The following ATF7IP2 variants were observed in gnomAD, a reference collection of about 807,000 sequenced individuals.
The protein encoded by ATF7IP2 is activating transcription factor 7 interacting protein 2, also known as activating transcription factor 7-interacting protein 2.
Under a neutral mutation model 64.2 loss-of-function variants are expected in ATF7IP2, and 42 were observed. The ratio of observed to expected loss-of-function variants is 0.65; its 90% CI spans 0.51 to 0.85. The LOEUF is 0.85. Ranked by LOEUF, ATF7IP2 falls within the 40% of genes least tolerant of loss-of-function variation. The pLI is 0.00. For missense variants in ATF7IP2, 933 were observed against 784.2 expected (o/e 1.19, Z -2.27); for synonymous variants, 308 against 272.8 (o/e 1.13, Z -1.27).
rs147209757 is a variant in ATF7IP2 at position 10,434,491 on chromosome 16, C to A, written c.960+842C>A. 3.9e-5 allele frequency among the ~76,000 whole-genome samples: 6 copies of A among 152,280 alleles called. No homozygotes were observed. In the East Asian group the frequency reaches 1.2e-3, roughly 29 times the overall value. On this transcript the variant is annotated intron_variant, in intron 6 of 13. Coordinates refer to ENST00000562102, the MANE Select transcript of ATF7IP2 (RefSeq NM_001393719.1). ...TTTTTAAAACAGACCATTACAATTACATAGTTACATATACTATGAATGTGT... is the reference window on the plus strand; with the variant it reads ...TTTTTAAAACAGACCATTACAATTAAATAGTTACATATACTATGAATGTGT...
intron 9 of ATF7IP2, among the ~76,000 whole-genome samples, chr16:10,458,914 G>C (rs777331293): frequency 2.6e-5 from 4 of 152,188 alleles, no homozygotes; most frequent in Admixed American, 6.5e-5. Flanking sequence ...GGCTGGGCGC[G>C]GTGGCTCACG....
rs746102771 is a variant in ATF7IP2 at position 10,430,630 on chromosome 16, C to A, written c.10C>A (p.Pro4Thr). 64 of 1,608,426 alleles carry A rather than the reference C, an allele frequency of 4.0e-5. No individual in the cohort carries two copies. Among genetic ancestry groups the A allele is most frequent in the Non-Finnish European group, 5.3e-5 (62 of 1,176,374 alleles). MAS[P>T]DRSKRKILKA... ...TTCCAGGATATGAAAGATGGCAAGT[C>A]CAGATAGAAGTAAACGGAAGATATT... Residue 4 changes from proline (P) to threonine (T), a missense_variant, in exon 5 of 14, where the codon CCA becomes ACA. Pro to Thr is a conservative substitution (Grantham distance 38). Coordinates refer to ENST00000562102, the MANE Select transcript of ATF7IP2 (RefSeq NM_001393719.1).
intron 3 of ATF7IP2, among the ~76,000 whole-genome samples, chr16:10,422,813 C>T (rs2141846395): frequency 6.6e-6 from 1 of 152,290 alleles, no homozygotes; most frequent in African/African-American, 2.4e-5. Context: ...TCCCCATTTC[C>T]ACATATGGCA....
chr16:10,469,481 A>G (rs2142058620), intron 9 of ATF7IP2, among the ~76,000 whole-genome samples: 1 of 152,294 alleles, frequency 6.6e-6, no homozygotes, highest in South Asian at 2.1e-4. Context: ...ACATGAAAGC[A>G]TACAAAACCA....
rs538840198 is a variant in ATF7IP2, at chr16:10,464,858, T to G, written c.1353-7252T>G. Among the ~76,000 whole-genome samples the G allele has an allele frequency of 1.9e-3, 288 of 152,304 alleles. 1 individual carries two copies. The highest frequency in any genetic ancestry group is 6.1e-3 in the African/African-American group (254 of 41,568). On this transcript the variant is annotated intron_variant, in intron 9 of 13. Coordinates refer to ENST00000562102, the MANE Select transcript of ATF7IP2 (RefSeq NM_001393719.1). ...ATGTTGTTGTTTGGAAGACGGAGTT[T>G]CGCTCTTGTTATCCAGGCTGGAGTG...
At chr16:10,470,765 A>G (rs1225879727) in intron 9 of ATF7IP2, among the ~76,000 whole-genome samples, 1 of 151,734 alleles carries the variant, frequency 6.6e-6, no homozygotes, top group East Asian at 1.9e-4. Context: ...CCTGGGAGAC[A>G]GAGCACGAGT....
At chr16:10,440,330 G>T (rs750434155) in intron 7 of ATF7IP2, 34 bp from the exon 8 acceptor site, 9 of 1,135,888 alleles carry the variant, frequency 7.9e-6, no homozygotes, top group Non-Finnish European at 1.1e-5. Context: ...TAGTACTCTG[G>T]CTTAGTATTT....
chr16:10,398,303 C>CAA (rs370158117), intron 1 of ATF7IP2, among the ~76,000 whole-genome samples: 21 of 134,254 alleles, frequency 1.6e-4, no homozygotes, highest in South Asian at 4.8e-4. Context: ...GACTCCATCT[C>CAA]AAAAAAAAAA....
In ATF7IP2 at chr16:10,482,480, T is replaced by G; in HGVS notation, c.*231T>G. The G allele has an allele frequency of 2.7e-6, 1 of 375,178 alleles. No individual in the cohort carries two copies. The highest frequency in any genetic ancestry group is 4.8e-6 in the Non-Finnish European group (1 of 209,246). 23.2% of individuals were successfully genotyped at this position (375,178 alleles called of 1,614,324 possible). A position where few individuals can be genotyped will look rare whatever the true frequency, so the allele number is the denominator to read the frequency against. ...AAACATACGCTATCATTGGCCCATGTTGCTGAGGTGCATTGTGAACAATAC... is the reference window on the plus strand; with the variant it reads ...AAACATACGCTATCATTGGCCCATGGTGCTGAGGTGCATTGTGAACAATAC... On this transcript the variant is annotated 3_prime_UTR_variant, in exon 14 of 14. Transcript: ENST00000562102.
At position 10,404,533 on chromosome 16, in the gene ATF7IP2, C is replaced by T. The variant is rs148390106; in HGVS notation, c.-241-10041C>T. On this transcript the variant is annotated intron_variant, in intron 1 of 13. Coordinates refer to ENST00000562102, the MANE Select transcript of ATF7IP2 (RefSeq NM_001393719.1). ...AAGTGCTGGGATTATAGGCGTGAGC[C>T]ACTCTGCCCAGCCTTTTTTTTATTT... Among the ~76,000 whole-genome samples the T allele has an allele frequency of 3.8e-3, 586 of 152,222 alleles. 14 individuals are homozygous for T. Among genetic ancestry groups the T allele is most frequent in the East Asian group, 8.1e-3 (42 of 5,184 alleles).
At chr16:10,475,371 A>G (rs1241936624) in intron 12 of ATF7IP2, among the ~76,000 whole-genome samples, 1 of 152,180 alleles carries the variant, frequency 6.6e-6, no homozygotes, top group African/African-American at 2.4e-5. Context: ...TAAGAAACCA[A>G]TAGTGGAGAT....
chr16:10,479,390 C>CT (rs2050132267), intron 12 of ATF7IP2, among the ~76,000 whole-genome samples: 1 of 152,084 alleles, frequency 6.6e-6, no homozygotes, highest in African/African-American at 2.4e-5. Flanking sequence ...ACTCAGTAAA[C>CT]TATCGCAAGA....
chr16:10,478,978 A>C (rs1203880422), intron 12 of ATF7IP2, among the ~76,000 whole-genome samples: 5 of 151,582 alleles, frequency 3.3e-5, no homozygotes, highest in African/African-American at 9.7e-5. Context: ...TTAGAATGGC[A>C]ATCATTAAAA....
In ATF7IP2 at chr16:10,482,450, T is replaced by C. The variant is rs1225563745; in HGVS notation, c.*201T>C. 1 of 466,718 alleles carries C rather than the reference T, an allele frequency of 2.1e-6. No homozygotes were observed. Among genetic ancestry groups the C allele is most frequent in the Non-Finnish European group, 3.8e-6 (1 of 266,490 alleles). 28.9% of individuals were successfully genotyped at this position (466,718 alleles called of 1,614,324 possible). On this transcript the variant is annotated 3_prime_UTR_variant, in exon 14 of 14. Coordinates refer to ENST00000562102, the MANE Select transcript of ATF7IP2 (RefSeq NM_001393719.1). ...TAAATATGTCCTTCCAATGGATAAG[T>C]TCTAAAACATACGCTATCATTGGCC...
At chr16:10,437,869 ATAAATT>A (rs2048475112) in intron 6 of ATF7IP2, among the ~76,000 whole-genome samples, 1 of 152,220 alleles carries the variant, frequency 6.6e-6, no homozygotes, top group African/African-American at 2.4e-5. Context: ...CATTATGAGA[ATAAATT>A]TAATTTCTAA....
At chr16:10,426,022 C>T (rs748769009) in intron 3 of ATF7IP2, among the ~76,000 whole-genome samples, 11 of 152,090 alleles carry the variant, frequency 7.2e-5, no homozygotes, top group Admixed American at 5.2e-4. Flanking sequence ...AGTGAGGATA[C>T]AGCCAAGCAA....
intron 9 of ATF7IP2, among the ~76,000 whole-genome samples, chr16:10,467,692 G>C (rs913762619): frequency 1.3e-5 from 2 of 150,908 alleles, no homozygotes; most frequent in African/African-American, 4.9e-5. Flanking sequence ...TCAGCCTCCT[G>C]AGTAGAGCTC....
At chr16:10,481,026 T>A in intron 13 of ATF7IP2, 62 bp downstream of exon 13, 1 of 1,254,670 alleles carries the variant, frequency 8.0e-7, no homozygotes, top group Non-Finnish European at 1.2e-6. Context: ...AGTAGCTATG[T>A]TACTCTTGAA....
chr16:10,388,708 A>T (rs1443887233), intron 1 of ATF7IP2, among the ~76,000 whole-genome samples: 3 of 152,312 alleles, frequency 2.0e-5, no homozygotes, highest in Non-Finnish European at 4.4e-5. Flanking sequence ...CATGTCACTG[A>T]AGATATAAAA....
Sources: gnomAD v4.1 joint callset for allele counts (sites outside exome capture counted in the v4.1 genomes callset) on GRCh38, gnomAD v4.1.1 for gene constraint, MANE v1.5 for transcripts, NCBI Gene and HGNC (gene_info 2026-07-23, HGNC 2026-07-21) for gene names.